Variants in AGBL1 observed in about 807,000 individuals in gnomAD.
AGBL1 encodes cytosolic carboxypeptidase 4.
Under a neutral mutation model 118.9 loss-of-function variants are expected in AGBL1, and 130 were observed. The observed-to-expected ratio is 1.09, with a 90% confidence interval of 0.95 to 1.26. AGBL1 has a LOEUF of 1.26. Among genes scored for constraint, AGBL1 ranks in the 50% most tolerant of loss-of-function variants. The pLI is 0.00. For missense variants in AGBL1, 1,584 were observed against 1,298.1 expected (o/e 1.22, Z -3.38); for synonymous variants, 555 against 478.9 (o/e 1.16, Z -2.08).
intron 21 of AGBL1, among the ~76,000 whole-genome samples, chr15:86,644,767 A>T (rs2085249513): frequency 6.7e-6 from 1 of 149,048 alleles, no homozygotes; most frequent in South Asian, 2.1e-4. Flanking sequence ...GCACTTTGAG[A>T]GGTCAAGGCA....
intron 18 of AGBL1, among the ~76,000 whole-genome samples, chr15:86,481,867 A>C (rs1187809572): frequency 6.6e-6 from 1 of 152,116 alleles, no homozygotes; most frequent in Admixed American, 6.6e-5. Flanking sequence ...TCAAGACTTG[A>C]CTGCAGTAGA....
intron 17 of AGBL1, among the ~76,000 whole-genome samples, chr15:86,365,002 T>C (rs2080864239): frequency 7.3e-6 from 1 of 137,580 alleles, no homozygotes; most frequent in African/African-American, 2.9e-5. Flanking sequence ...CACACACATA[T>C]ATATATACAC....
chr15:86,241,107 C>T (rs996024768), intron 6 of AGBL1, among the ~76,000 whole-genome samples: 4 of 152,068 alleles, frequency 2.6e-5, no homozygotes, highest in African/African-American at 9.7e-5. Flanking sequence ...AGGAGTGTTT[C>T]ATTGTATGTA....
chr15:86,662,446 A>G (rs934168145), intron 21 of AGBL1, among the ~76,000 whole-genome samples: 2 of 152,224 alleles, frequency 1.3e-5, no homozygotes, highest in Admixed American at 1.3e-4. Flanking sequence ...TCATTTGGAC[A>G]GAAAGTTGGG....
rs1280787318 is a variant in AGBL1, at chr15:86,098,561, G to C, written c.51+18538G>C. Among the ~76,000 whole-genome samples, 2 of 152,062 alleles carry C rather than the reference G, an allele frequency of 1.3e-5. 1 individual carries two copies. The highest frequency in any genetic ancestry group is 1.3e-4 in the Admixed American group (2 of 15,256). Reference sequence around the variant, plus strand: ...TTCAGCTTTCCCACCACCATTTGTTGAAAAGGATGTCCTTTCCCCAGTGTA... The same window carrying C: ...TTCAGCTTTCCCACCACCATTTGTTCAAAAGGATGTCCTTTCCCCAGTGTA... On this transcript the variant is annotated intron_variant, in intron 1 of 22. Transcript: ENST00000614907.
At chr15:86,190,483 A>T (rs1176002363) in intron 5 of AGBL1, among the ~76,000 whole-genome samples, 5 of 152,174 alleles carry the variant, frequency 3.3e-5, no homozygotes, top group African/African-American at 9.6e-5. Context: ...ATAATTTTTT[A>T]AAAATTATTA....
chr15:86,443,422 C>A (rs897827758), intron 18 of AGBL1, among the ~76,000 whole-genome samples: 1 of 152,164 alleles, frequency 6.6e-6, no homozygotes, highest in Non-Finnish European at 1.5e-5. Flanking sequence ...ATTAGCATAT[C>A]TATCACTTCA....
At chr15:86,374,061 G>C (rs1381408397) in intron 17 of AGBL1, among the ~76,000 whole-genome samples, 2 of 152,292 alleles carry the variant, frequency 1.3e-5, no homozygotes, top group East Asian at 3.9e-4. Context: ...TCTTACCTAA[G>C]TCCGACTTGG....
In AGBL1 at chr15:86,264,684, C is replaced by G. The variant is rs753103295; in HGVS notation, c.1513C>G (p.Arg505Gly). The change falls in exon 11 of 23, where the codon CGT (arginine) becomes GGT (glycine). Residue 505 changes from arginine to glycine, a missense_variant. Transcript: ENST00000614907. ...IDKLLQTHLKRVPFHDPYLYM... is the reference protein window; with the variant it reads ...IDKLLQTHLKGVPFHDPYLYM... ...TAAGCTTCTGCAGACACATCTGAAG[C>G]GTGTCCCTTTCCACGATCCCTATCT... The G allele has an allele frequency of 2.5e-6, 4 of 1,613,898 alleles. No individual in the cohort carries two copies. Among genetic ancestry groups the G allele is most frequent in the Admixed American group, 3.3e-5 (2 of 60,008 alleles).
chr15:86,389,830 A>G (rs536195696), intron 17 of AGBL1, among the ~76,000 whole-genome samples: 7 of 152,290 alleles, frequency 4.6e-5, no homozygotes, highest in Admixed American at 2.6e-4. Flanking sequence ...AAAACAATCA[A>G]TCCAAATGAA....
At chr15:86,368,675 T>C (rs1596024857) in intron 17 of AGBL1, among the ~76,000 whole-genome samples, 1 of 152,186 alleles carries the variant, frequency 6.6e-6, no homozygotes, top group African/African-American at 2.4e-5. Context: ...AAAATATTTC[T>C]GTAAGCACAG....
At chr15:86,287,233 C>T (rs936270065) in intron 16 of AGBL1, among the ~76,000 whole-genome samples, 1 of 151,964 alleles carries the variant, frequency 6.6e-6, no homozygotes, top group African/African-American at 2.4e-5. Flanking sequence ...GTTGGTGTTC[C>T]TTGTATATTT....
intron 16 of AGBL1, among the ~76,000 whole-genome samples, chr15:86,288,727 A>T (rs1480430285): frequency 6.6e-6 from 1 of 152,124 alleles, no homozygotes; most frequent in African/African-American, 2.4e-5. Flanking sequence ...GTCTACAAAA[A>T]CAATATTGTT....
chr15:87,029,515 C>A (rs1245053991), downstream of AGBL1, among the ~76,000 whole-genome samples: 1 of 151,898 alleles, frequency 6.6e-6, no homozygotes, highest in African/African-American at 2.4e-5. Flanking sequence ...ACGACAGCAA[C>A]ATTAGGAATA....
At chr15:86,995,705 G>A (rs1345150282) in intron 24 of AGBL1, among the ~76,000 whole-genome samples, 5 of 152,184 alleles carry the variant, frequency 3.3e-5, no homozygotes, top group Non-Finnish European at 7.3e-5. Context: ...GCTACATTAA[G>A]ATTTTAGTTT....
At chr15:86,378,438 T>G (rs1596037274) in intron 17 of AGBL1, among the ~76,000 whole-genome samples, 1 of 152,092 alleles carries the variant, frequency 6.6e-6, no homozygotes, top group Non-Finnish European at 1.5e-5. Context: ...CAGGGGCCAG[T>G]CTTCTAGAGA....
intron 5 of AGBL1, among the ~76,000 whole-genome samples, chr15:86,210,046 A>G (rs1367747508): frequency 6.6e-6 from 1 of 152,104 alleles, no homozygotes; most frequent in Non-Finnish European, 1.5e-5. Flanking sequence ...CTTGTCTGTA[A>G]AGGATTTTAT....
chr15:86,219,137 C>T (rs888852718), intron 5 of AGBL1, among the ~76,000 whole-genome samples: 60 of 152,280 alleles, frequency 3.9e-4, no homozygotes, highest in African/African-American at 1.4e-3. Flanking sequence ...GATAGGAGCA[C>T]ATTTTTTCTC....
At chr15:86,082,501 G>C (rs150779236) in intron 1 of AGBL1, among the ~76,000 whole-genome samples, 45 of 152,320 alleles carry the variant, frequency 3.0e-4, no homozygotes, top group African/African-American at 1.1e-3. Context: ...AGGGAAGGAA[G>C]AAAGAGATTG....
Sources: allele counts gnomAD v4.1 joint callset (sites outside exome capture counted in the v4.1 genomes callset), GRCh38; gene constraint gnomAD v4.1.1; transcripts MANE v1.5; gene names NCBI Gene and HGNC (gene_info 2026-07-23, HGNC 2026-07-21).